The following LAMA5 variants were observed in gnomAD, a reference collection of about 807,000 sequenced individuals.
LAMA5 encodes laminin subunit alpha-5.
LAMA5 carries 260 observed loss-of-function variants against 433.4 expected under a neutral mutation model. That is an observed-to-expected ratio of 0.60 (90% confidence interval 0.54 to 0.66). The LOEUF is 0.66. Among genes scored for constraint, LAMA5 ranks in the 30% least tolerant of loss-of-function variants. The pLI is 0.00. For synonymous variants in LAMA5, 2,620 were observed against 2,226.6 expected (o/e 1.18, Z -4.97); for missense variants, 5,378 against 5,258.5 (o/e 1.02, Z -0.70).
At chr20:62,366,900 G>C in intron 1 of LAMA5, 49 bp downstream of exon 1, 1 of 1,235,672 alleles carries the variant, frequency 8.1e-7, no homozygotes, top group Non-Finnish European at 1.0e-6. Flanking sequence ...CCGGTGTTCC[G>C]GGTCCGAGTG....
rs371653451 is a variant in LAMA5 at position 62,309,321 on chromosome 20, G to C, written c.*15C>G. On this transcript the variant is annotated 3_prime_UTR_variant, in exon 80 of 80. Transcript: ENST00000252999. The stretch of plus-strand genomic sequence containing the variant: ...AGCTGCAGGGGCCTGACCAGGGGCC[G>C]GGGTTGGCTGTGTCCTAGGCGGCTG... 2 of 1,590,220 alleles carry C rather than the reference G, an allele frequency of 1.3e-6. No homozygotes were observed. The highest frequency in any genetic ancestry group is 1.7e-6 in the Non-Finnish European group (2 of 1,176,568).
At chr20:62,317,562 G>A (rs1987089475) in intron 54 of LAMA5, 63 bp from the exon 55 acceptor site, 1 of 1,522,384 alleles carries the variant, frequency 6.6e-7, no homozygotes, top group South Asian at 1.3e-5. Flanking sequence ...CGACCCTGAG[G>A]GCGGGCTCTG....
intron 2 of LAMA5, among the ~76,000 whole-genome samples, chr20:62,360,718 C>T (rs1471382596): frequency 6.7e-6 from 1 of 148,888 alleles, no homozygotes; most frequent in Non-Finnish European, 1.5e-5. Flanking sequence ...GTTCCTCTTC[C>T]CTCCGTATCA....
At chr20:62,354,638 G>A (rs961600639) in intron 2 of LAMA5, among the ~76,000 whole-genome samples, 3 of 152,110 alleles carry the variant, frequency 2.0e-5, no homozygotes, top group Non-Finnish European at 4.4e-5. Context: ...GGGGGGTCCC[G>A]AGGCACACAG....
chr20:62,334,225 G>A lies in LAMA5; in HGVS notation c.2700C>T (p.Asn900=). Residue 900 remains asparagine, a synonymous_variant, in exon 22 of 80, where the codon AAC becomes AAT. Transcript: ENST00000252999. Reference sequence around the variant, plus strand: ...TCTGCGCGTAGCCCCTCCAGCTGAAGTTCTCGAACTCGAGGGGGTTGAAGC... The same window carrying A: ...TCTGCGCGTAGCCCCTCCAGCTGAAATTCTCGAACTCGAGGGGGTTGAAGC... ...RFGFNPLEFE[N]FSWRGYAQMA... 3 of 1,612,948 alleles carry A rather than the reference G, an allele frequency of 1.9e-6. No individual in the cohort carries two copies. Among genetic ancestry groups the A allele is most frequent in the African/African-American group, 2.7e-5 (2 of 75,058 alleles).
intron 48 of LAMA5, among the ~76,000 whole-genome samples, chr20:62,321,559 C>T (rs1987777005): frequency 1.4e-5 from 1 of 74,048 alleles, no homozygotes; most frequent in Non-Finnish European, 2.5e-5. Flanking sequence ...GAAGAGGGGG[C>T]CAGTGGAGGC....
intron 66 of LAMA5, 48 bp from the exon 67 acceptor site, chr20:62,312,828 GC>G: frequency 6.2e-7 from 1 of 1,601,172 alleles, no homozygotes. Context: ...CCTGCGGCCT[GC>G]CCCGCCCCCA....
chr20:62,328,319 C>T lies in LAMA5; in HGVS notation c.4574G>A (p.Cys1525Tyr). ...QTFGCHPLVGCEECNCSGPGI... is the reference protein window; with the variant it reads ...QTFGCHPLVGYEECNCSGPGI... Reference sequence around the variant, plus strand: ...GGGCCCTGAGCAGTTACACTCCTCACAGCCGACCAGGGGGTGGCAGCCAAA... The same window carrying T: ...GGGCCCTGAGCAGTTACACTCCTCATAGCCGACCAGGGGGTGGCAGCCAAA... The change falls in exon 35 of 80, where the codon TGT becomes TAT. Residue 1525 changes from cysteine to tyrosine, a missense_variant. Cys to Tyr is a radical substitution (Grantham distance 194). Transcript: ENST00000252999. The T allele has an allele frequency of 6.2e-7, 1 of 1,605,094 alleles. No homozygotes were observed. Among genetic ancestry groups the T allele is most frequent in the Non-Finnish European group, 8.5e-7 (1 of 1,176,558 alleles).
At chr20:62,330,679 C>T in intron 30 of LAMA5, 64 bp downstream of exon 30, 4 of 1,560,252 alleles carry the variant, frequency 2.6e-6, no homozygotes, top group Admixed American at 3.9e-5. Context: ...GGACAACCTG[C>T]CCTGGGTTGG....
At position 62,359,608 on chromosome 20, in the gene LAMA5, CT is replaced by C. The variant is rs1020393622; in HGVS notation, c.450+2791del. ...CGCAAGAACCCCCTAGAAGGACCCC[CT>C]GGGGAAGGTCACGTCTGGAACTCGG... On this transcript the variant is annotated intron_variant, in intron 2 of 79. Coordinates refer to ENST00000252999, the MANE Select transcript of LAMA5 (RefSeq NM_005560.6). The surrounding 1 kb of genome is among the most constrained non-coding windows in gnomAD (Gnocchi z 4.3). 1.3e-5 allele frequency among the ~76,000 whole-genome samples: 2 copies of C among 152,122 alleles called. No individual in the cohort carries two copies. The highest frequency in any genetic ancestry group is 4.8e-5 in the African/African-American group (2 of 41,412).
At chr20:62,316,433 G>A in intron 57 of LAMA5, 1 of 521,250 alleles carries the variant, frequency 1.9e-6, no homozygotes, top group Admixed American at 3.4e-5. Flanking sequence ...CTGTGGCTCA[G>A]CTGGTGCCTC....
Position 62,309,283 on chromosome 20 carries a change from G to C in LAMA5, c.*53C>G, listed in dbSNP as rs3184293. On this transcript the variant is annotated 3_prime_UTR_variant, in exon 80 of 80. Coordinates refer to ENST00000252999, the MANE Select transcript of LAMA5 (RefSeq NM_005560.6). The stretch of plus-strand genomic sequence containing the variant: ...AGACACCTATGAGGCGAGCACAAGG[G>C]GCGGTGTGAGGCAGCTGCAGGGGCC... 6.4e-7 allele frequency: 1 copy of C among 1,565,490 alleles called. No individual in the cohort carries two copies. The highest frequency in any genetic ancestry group is 2.3e-5 in the East Asian group (1 of 44,224).
chr20:62,323,951 G>A lies in LAMA5; in HGVS notation c.5769-95C>T, dbSNP rs368985657. 41 of 1,437,952 alleles carry A rather than the reference G, an allele frequency of 2.9e-5. No homozygotes were observed. The African/African-American group carries it at 4.3e-4, about 15-fold the overall frequency. 89.1% of individuals were successfully genotyped at this position (1,437,952 alleles called of 1,614,324 possible). A position where few individuals can be genotyped will look rare whatever the true frequency, so the allele number is the denominator to read the frequency against. ...CCGGCTGGAACACACGCCAGGCGTCGGGGGCCCAGACCTCACGGACACCTC... is the reference window on the plus strand; with the variant it reads ...CCGGCTGGAACACACGCCAGGCGTCAGGGGCCCAGACCTCACGGACACCTC... On this transcript the variant is annotated intron_variant, in intron 43 of 79. Coordinates refer to ENST00000252999, the MANE Select transcript of LAMA5 (RefSeq NM_005560.6).
At position 62,346,063 on chromosome 20, in the gene LAMA5, C is replaced by A. The variant is rs780416586; in HGVS notation, c.1417+18G>T. On this transcript the variant is annotated intron_variant, in intron 10 of 79. Transcript: ENST00000252999. Reference sequence around the variant, plus strand: ...GCAGGCAGTGGTGTCTGTTTGGATGCCCCTGGCAGGTGCTCACGGTAGCAG... The same window carrying A: ...GCAGGCAGTGGTGTCTGTTTGGATGACCCTGGCAGGTGCTCACGGTAGCAG... The A allele has an allele frequency of 2.5e-6, 4 of 1,612,662 alleles. No homozygotes were observed. The Middle Eastern group carries it at 5.0e-4, about 200-fold the overall frequency.
At chr20:62,321,280 T>G (rs980017337) in intron 48 of LAMA5, among the ~76,000 whole-genome samples, 29 of 13,044 alleles carry the variant, frequency 2.2e-3, no homozygotes, top group African/African-American at 3.1e-3. Context: ...AGTGAAGGGG[T>G]GGGGCCGGTG....
At position 62,312,699 on chromosome 20, in the gene LAMA5, C is replaced by T. The variant is rs760795781; in HGVS notation, c.9160G>A (p.Asp3054Asn). The T allele has an allele frequency of 1.6e-5, 26 of 1,606,402 alleles. No individual in the cohort carries two copies. Among genetic ancestry groups the T allele is most frequent in the Middle Eastern group, 1.7e-4 (1 of 6,058 alleles). Reference sequence around the variant, plus strand: ...GCGTCGGCCAGCTCCAGATCATTGTCCTGCTCCACGCTGTACACCGTGGCC... The same window carrying T: ...GCGTCGGCCAGCTCCAGATCATTGTTCTGCTCCACGCTGTACACCGTGGCC... ...ERATVYSVEQDNDLELADAYY... is the reference protein window; with the variant it reads ...ERATVYSVEQNNDLELADAYY... The change falls in exon 67 of 80, where the codon GAC (aspartate) becomes AAC (asparagine). Residue 3054 changes from aspartate to asparagine, a missense_variant. Asp to Asn is a conservative substitution (Grantham distance 23). Transcript: ENST00000252999.
chr20:62,364,551 C>T (rs1164628344), intron 1 of LAMA5, among the ~76,000 whole-genome samples: 4 of 152,240 alleles, frequency 2.6e-5, no homozygotes, highest in African/African-American at 7.2e-5. Context: ...CAGGCTCCCC[C>T]ACCTCCGCTG....
chr20:62,329,720 G>A lies in LAMA5; in HGVS notation c.4119+57C>T, dbSNP rs1979992091. The A allele has an allele frequency of 1.4e-5, 23 of 1,595,454 alleles. No homozygotes were observed. In the South Asian group the frequency reaches 2.4e-4, roughly 16 times the overall value. The stretch of plus-strand genomic sequence containing the variant: ...AGACCCAGCCCAAGTGTACCACAGT[G>A]GTAATGACAAGTATAAGGACAGCTG... On this transcript the variant is annotated intron_variant, in intron 32 of 79. Coordinates refer to ENST00000252999, the MANE Select transcript of LAMA5 (RefSeq NM_005560.6).
At position 62,362,157 on chromosome 20, in the gene LAMA5, A is replaced by T. The variant is rs116747283; in HGVS notation, c.450+243T>A. Among the ~76,000 whole-genome samples the T allele has an allele frequency of 0.062, 9,452 of 152,300 alleles. 338 individuals carry two copies. Among genetic ancestry groups the T allele is most frequent in the South Asian group, 0.16 (779 of 4,830 alleles). ...CAACCAAACTCTGTGGCCTTTGGAAACACCCCCATGAGCACCCGCTTTCCC... is the reference window on the plus strand; with the variant it reads ...CAACCAAACTCTGTGGCCTTTGGAATCACCCCCATGAGCACCCGCTTTCCC... On this transcript the variant is annotated intron_variant, in intron 2 of 79. Transcript: ENST00000252999.
Sources: allele counts gnomAD v4.1 joint callset (sites outside exome capture counted in the v4.1 genomes callset), GRCh38; gene constraint gnomAD v4.1.1; non-coding constraint Gnocchi (gnomAD v3.1); transcripts MANE v1.5; gene names NCBI Gene and HGNC (gene_info 2026-07-23, HGNC 2026-07-21).